SMOC2: variants seen among roughly 807,000 people sequenced by gnomAD.
SMOC2 encodes SPARC related modular calcium binding 2, also known as SPARC-related modular calcium-binding protein 2.
In SMOC2, 39 loss-of-function variants were observed where a neutral mutation model predicts 61.4. That is an observed-to-expected ratio of 0.64 (90% CI 0.49 to 0.83). The LOEUF is 0.83. Ranked by LOEUF, SMOC2 falls within the 40% of genes least tolerant of loss-of-function variation. The pLI is 0.00. For synonymous variants in SMOC2, 247 were observed against 239.9 expected, an observed-to-expected ratio of 1.03 and a Z score of -0.27; for missense variants, 556 against 592.9, an observed-to-expected ratio of 0.94 and a Z score of 0.65.
intron 8 of SMOC2, 87 bp downstream of exon 8, chr6:168,599,091 C>T: frequency 8.6e-7 from 1 of 1,157,754 alleles, no homozygotes; most frequent in Non-Finnish European, 1.2e-6. Context: ...CTTCCCCCAA[C>T]ACACACCGAC....
chr6:168,659,704 A>G, intron 11 of SMOC2, among the ~76,000 whole-genome samples: 1 of 149,186 alleles, frequency 6.7e-6, no homozygotes, highest in Non-Finnish European at 1.5e-5. Context: ...GTGAGGGTGG[A>G]GGTTGTAGGC....
At chr6:168,516,474 G>A (rs530430761) in intron 2 of SMOC2, among the ~76,000 whole-genome samples, 1 of 152,206 alleles carries the variant, frequency 6.6e-6, no homozygotes, top group East Asian at 1.9e-4. Context: ...GAGATCTGAG[G>A]ACCAAGAGCT....
At chr6:168,606,134 T>C (rs1203258142) in intron 8 of SMOC2, among the ~76,000 whole-genome samples, 1 of 152,148 alleles carries the variant, frequency 6.6e-6, no homozygotes, top group African/African-American at 2.4e-5. Flanking sequence ...CAGCTTCCTG[T>C]ACACATCATC....
rs1458051292 is a variant in SMOC2 at position 168,453,810 on chromosome 6, T to A, written c.84+12356T>A. On this transcript the variant is annotated intron_variant, in intron 1 of 12. Transcript: ENST00000356284. This position sits in a 1 kb window ranked among gnomAD's most constrained non-coding sequence, Gnocchi z 4.4. ...CTTGGTCTCTGTCATTCTCCATCTC[T>A]GTCCTCTATCTCTCTCCGTCTCTCT... Among the ~76,000 whole-genome samples, 6 of 151,906 alleles carry A rather than the reference T, an allele frequency of 3.9e-5. No individual in the cohort carries two copies. The highest frequency in any genetic ancestry group is 1.5e-5 in the Non-Finnish European group (1 of 67,980).
intron 7 of SMOC2, among the ~76,000 whole-genome samples, chr6:168,583,562 T>G (rs1784972915): frequency 6.6e-6 from 1 of 152,172 alleles, no homozygotes; most frequent in Admixed American, 6.6e-5. Flanking sequence ...TGACCCCCTG[T>G]CTCTCATCTT....
At chr6:168,505,208 ACT>A (rs1428130370) in intron 1 of SMOC2, among the ~76,000 whole-genome samples, 1 of 119,762 alleles carries the variant, frequency 8.3e-6, no homozygotes, top group Non-Finnish European at 1.8e-5. Flanking sequence ...TGGATGAATG[ACT>A]GAATGAAATG....
intron 2 of SMOC2, among the ~76,000 whole-genome samples, chr6:168,518,595 G>A (rs934390265): frequency 1.0e-5 from 1 of 96,454 alleles, no homozygotes; most frequent in African/African-American, 4.3e-5. Flanking sequence ...GTGTGTGAAT[G>A]TGTGTTCATG....
intron 9 of SMOC2, among the ~76,000 whole-genome samples, chr6:168,644,113 C>T (rs977814280): frequency 6.6e-6 from 1 of 152,158 alleles, no homozygotes; most frequent in Non-Finnish European, 1.5e-5. Context: ...ATTGAGATTG[C>T]GGTGCTTTTT....
rs1420607264 is a variant in SMOC2, at chr6:168,535,116, A to G, written c.463+7389A>G. ...CTCCGGAGTAGCTGGGACTACAGGC[A>G]CCCGCCACCACGCCCAGCTAATGTT... On this transcript the variant is annotated intron_variant, in intron 4 of 12. Transcript: ENST00000356284. The surrounding 1 kb of genome is among the most constrained non-coding windows in gnomAD (Gnocchi z 4.6). 1.3e-5 allele frequency among the ~76,000 whole-genome samples: 2 copies of G among 151,792 alleles called. No homozygotes were observed. Among genetic ancestry groups the G allele is most frequent in the Admixed American group, 1.3e-4 (2 of 15,238 alleles).
intron 7 of SMOC2, among the ~76,000 whole-genome samples, chr6:168,572,809 G>T (rs1213206184): frequency 3.7e-5 from 2 of 53,552 alleles, no homozygotes; most frequent in Admixed American, 1.6e-4. Context: ...CCGCATCCCC[G>T]GGTGCTGGGA....
chr6:168,456,060 C>T (rs972192045), intron 1 of SMOC2, among the ~76,000 whole-genome samples: 1 of 152,232 alleles, frequency 6.6e-6, no homozygotes, highest in Non-Finnish European at 1.5e-5. Flanking sequence ...CCCCAGAGCC[C>T]AGGGAGGGCG....
At chr6:168,522,185 T>C (rs1783344166) in intron 2 of SMOC2, among the ~76,000 whole-genome samples, 1 of 152,196 alleles carries the variant, frequency 6.6e-6, no homozygotes, top group African/African-American at 2.4e-5. Context: ...GTCAGATGGT[T>C]ACAACAGTGT....
chr6:168,609,818 T>C (rs1785809395), intron 9 of SMOC2, among the ~76,000 whole-genome samples: 1 of 150,788 alleles, frequency 6.6e-6, no homozygotes, highest in African/African-American at 2.4e-5. Context: ...TCTTAACTTA[T>C]TTTTTTTTTC....
intron 1 of SMOC2, among the ~76,000 whole-genome samples, chr6:168,499,991 G>GAGC (rs1437609730): frequency 1.3e-5 from 2 of 152,220 alleles, no homozygotes; most frequent in Admixed American, 1.3e-4. Flanking sequence ...TTCAAGCTGT[G>GAGC]AGCAGGGAAA....
At chr6:168,624,346 G>T (rs12174311) in intron 9 of SMOC2, among the ~76,000 whole-genome samples, 56 of 152,174 alleles carry the variant, frequency 3.7e-4, no homozygotes, top group Non-Finnish European at 7.3e-4. Flanking sequence ...ATGTGAACAC[G>T]CACATATGTA....
At chr6:168,482,183 A>G (rs867226898) in intron 1 of SMOC2, among the ~76,000 whole-genome samples, 1 of 152,112 alleles carries the variant, frequency 6.6e-6, no homozygotes, top group East Asian at 1.9e-4. Context: ...TCAAATTACT[A>G]AAATAGAAAG....
intron 1 of SMOC2, among the ~76,000 whole-genome samples, chr6:168,502,619 A>G (rs183177899): frequency 1.8e-3 from 268 of 152,274 alleles, no homozygotes; most frequent in African/African-American, 6.1e-3. Flanking sequence ...CATTATCACC[A>G]CTTTCCTAAC....
Position 168,636,864 on chromosome 6 carries a change from GCCTCCCTCCTCCCGCCTCCCTCCTCCCA to G in SMOC2, c.908-13806_908-13779del, listed in dbSNP as rs1364828058. On this transcript the variant is annotated intron_variant, in intron 9 of 12. Transcript: ENST00000356284. ...ATATGCCTCCTGCCTCCCTCCTCCCGCCTCCCTCCTCCCGCCTCCCTCCTCCCACCTCCCTCCTGCCCGCATCCCTCCT... is the reference window on the plus strand; with the variant it reads ...ATATGCCTCCTGCCTCCCTCCTCCCGCCTCCCTCCTGCCCGCATCCCTCCT... Among the ~76,000 whole-genome samples the G allele has an allele frequency of 3.8e-4, 29 of 75,436 alleles. No individual in the cohort carries two copies. In the East Asian group the frequency reaches 5.3e-3, roughly 14 times the overall value. 49.5% of individuals were successfully genotyped at this position (75,436 alleles called of 152,430 possible).
chr6:168,501,080 G>T (rs934505404), intron 1 of SMOC2, among the ~76,000 whole-genome samples: 4 of 152,168 alleles, frequency 2.6e-5, no homozygotes, highest in African/African-American at 9.7e-5. Flanking sequence ...AAGAATCGTG[G>T]CCGGATGCTA....
Sources: allele counts gnomAD v4.1 joint callset (sites outside exome capture counted in the v4.1 genomes callset), GRCh38; gene constraint gnomAD v4.1.1; non-coding constraint Gnocchi (gnomAD v3.1); transcripts MANE v1.5; gene names NCBI Gene and HGNC (gene_info 2026-07-23, HGNC 2026-07-21).